RAB38: variants seen among roughly 807,000 people sequenced by gnomAD.
The protein encoded by RAB38 is ras-related protein Rab-38.
A neutral mutation model predicts 18.4 loss-of-function variants in RAB38; 15 were observed. The observed-to-expected ratio is 0.82, with a 90% CI of 0.55 to 1.26. The LOEUF is 1.26. RAB38 is among the 50% of genes most tolerant of loss of function. The probability of loss-of-function intolerance (pLI) is 0.00; values close to 1 mark genes in which losing one functional copy is unlikely to be tolerated. For missense variants in RAB38, 294 were observed against 267.4 expected (o/e 1.10, Z -0.69); for synonymous variants, 101 against 104.4 (o/e 0.97, Z 0.20).
chr11:88,106,598 C>T, the RAB38 span, among the ~76,000 whole-genome samples: 2 of 152,090 alleles, frequency 1.3e-5, no homozygotes, highest in African/African-American at 4.8e-5. Context: ...TAGGTATATA[C>T]TGCCTGTGCC....
chr11:88,037,234 A>T, the RAB38 span, among the ~76,000 whole-genome samples: 5 of 152,038 alleles, frequency 3.3e-5, no homozygotes, highest in African/African-American at 1.2e-4. Context: ...ACATTTCCAT[A>T]GGTTTACCTG....
the RAB38 span, among the ~76,000 whole-genome samples, chr11:87,959,035 G>A: frequency 6.6e-6 from 1 of 152,116 alleles, no homozygotes; most frequent in Non-Finnish European, 1.5e-5. Flanking sequence ...ACTGAAAGCT[G>A]TGCTTTAGGC....
At chr11:88,156,731 C>G (rs528640689) in intron 1 of RAB38, among the ~76,000 whole-genome samples, 1 of 152,104 alleles carries the variant, frequency 6.6e-6, no homozygotes, top group Non-Finnish European at 1.5e-5. Flanking sequence ...CATATCCCAC[C>G]AAACTAAGTT....
At chr11:88,064,475 A>T in the RAB38 span, among the ~76,000 whole-genome samples, 1 of 152,228 alleles carries the variant, frequency 6.6e-6, no homozygotes, top group Non-Finnish European at 1.5e-5. Context: ...CAAGTGAAGT[A>T]TGATACTCTG....
At chr11:87,851,870 T>C in the RAB38 span, among the ~76,000 whole-genome samples, 9 of 152,234 alleles carry the variant, frequency 5.9e-5, no homozygotes, top group African/African-American at 1.9e-4. Flanking sequence ...TAGCTGGGTC[T>C]GAAAATCAAA....
At chr11:87,809,678 G>A in the RAB38 span, among the ~76,000 whole-genome samples, 1 of 109,814 alleles carries the variant, frequency 9.1e-6, no homozygotes, top group Non-Finnish European at 1.8e-5. Flanking sequence ...ATTACCTACA[G>A]TTGAAAGCTC....
At chr11:88,094,706 G>A in the RAB38 span, among the ~76,000 whole-genome samples, 90 of 151,990 alleles carry the variant, frequency 5.9e-4, 1 homozygote, top group East Asian at 5.8e-3. Context: ...ACCTGAGCCT[G>A]CATAGCAGAA....
chr11:87,947,340 C>T, the RAB38 span, among the ~76,000 whole-genome samples: 37 of 151,760 alleles, frequency 2.4e-4, no homozygotes, highest in African/African-American at 8.2e-4. Flanking sequence ...CTGTAGGCTG[C>T]CTGTTCACTC....
chr11:88,028,631 G>A, the RAB38 span, among the ~76,000 whole-genome samples: 5,092 of 152,234 alleles, frequency 0.033, 226 homozygotes, highest in South Asian at 0.075. Context: ...GGGTATCACC[G>A]ATGGAAGATG....
the RAB38 span, among the ~76,000 whole-genome samples, chr11:87,941,216 T>TAG: frequency 4.0e-5 from 4 of 99,450 alleles, no homozygotes; most frequent in Admixed American, 2.1e-4. Flanking sequence ...ATATATGAGA[T>TAG]ATATATATAT....
chr11:88,160,827 C>G (rs1037605314), intron 1 of RAB38, among the ~76,000 whole-genome samples: 5 of 152,010 alleles, frequency 3.3e-5, no homozygotes, highest in Admixed American at 1.3e-4. Flanking sequence ...CCAGGCACTA[C>G]TGGAGTGAGA....
the RAB38 span, among the ~76,000 whole-genome samples, chr11:87,891,830 C>T: frequency 2.6e-5 from 4 of 151,718 alleles, no homozygotes; most frequent in Non-Finnish European, 5.9e-5. Flanking sequence ...TGTAGGTGAT[C>T]AAATATCCTT....
At chr11:87,961,495 G>A in the RAB38 span, among the ~76,000 whole-genome samples, 1 of 152,248 alleles carries the variant, frequency 6.6e-6, no homozygotes, top group African/African-American at 2.4e-5. Flanking sequence ...AACCCAGTGT[G>A]CTGACAGTAT....
the RAB38 span, among the ~76,000 whole-genome samples, chr11:87,837,827 C>T: frequency 6.6e-6 from 1 of 152,136 alleles, no homozygotes; most frequent in Non-Finnish European, 1.5e-5. Context: ...AGCCATTCAC[C>T]TAAGGGAAAG....
chr11:87,893,987 C>A, the RAB38 span, among the ~76,000 whole-genome samples: 2 of 151,654 alleles, frequency 1.3e-5, no homozygotes, highest in African/African-American at 4.8e-5. Flanking sequence ...CTGCATTGAA[C>A]CTGCAGATAA....
the RAB38 span, among the ~76,000 whole-genome samples, chr11:88,036,440 C>T: frequency 6.6e-6 from 1 of 152,164 alleles, no homozygotes; most frequent in African/African-American, 2.4e-5. Flanking sequence ...AATACCATAG[C>T]ATTTGTCCTT....
chr11:87,831,325 A>G, the RAB38 span, among the ~76,000 whole-genome samples: 3 of 152,152 alleles, frequency 2.0e-5, no homozygotes, highest in Non-Finnish European at 4.4e-5. Flanking sequence ...GACAAAAGCC[A>G]TAGTTTATGC....
chr11:88,032,000 C>T, the RAB38 span, among the ~76,000 whole-genome samples: 2 of 150,608 alleles, frequency 1.3e-5, no homozygotes, highest in Admixed American at 6.6e-5. Flanking sequence ...CTACAGTAAC[C>T]AAAACAGCAT....
the RAB38 span, among the ~76,000 whole-genome samples, chr11:87,977,950 A>C: frequency 9.2e-6 from 1 of 108,638 alleles, no homozygotes; most frequent in Admixed American, 1.1e-4. Flanking sequence ...ATATATTAAT[A>C]TAATATATAA....
Sources: allele counts gnomAD v4.1 joint callset (sites outside exome capture counted in the v4.1 genomes callset), GRCh38; gene constraint gnomAD v4.1.1; transcripts MANE v1.5; gene names NCBI Gene and HGNC (gene_info 2026-07-23, HGNC 2026-07-21).